The following FTO variants were observed in gnomAD, a reference collection of about 807,000 sequenced individuals.
The protein encoded by FTO is alpha-ketoglutarate-dependent dioxygenase FTO.
Under a neutral mutation model 63.9 loss-of-function variants are expected in FTO, and 47 were observed. The observed-to-expected ratio is 0.74, with a 90% CI of 0.58 to 0.94. The LOEUF is 0.94. FTO is among the 40% of genes least tolerant of loss of function. FTO has a pLI of 0.00. For synonymous variants in FTO, 207 were observed against 224.4 expected (o/e 0.92, Z 0.69); for missense variants, 562 against 618.1 (o/e 0.91, Z 0.96).
At chr16:53,798,688 G>A (rs369985454) in intron 1 of FTO, among the ~76,000 whole-genome samples, 5 of 152,020 alleles carry the variant, frequency 3.3e-5, no homozygotes, top group African/African-American at 4.8e-5. Context: ...TGCTTATGTC[G>A]TATTTAAATA....
intron 1 of FTO, among the ~76,000 whole-genome samples, chr16:53,776,160 G>A (rs2077453867): frequency 6.6e-6 from 1 of 152,162 alleles, no homozygotes; most frequent in Admixed American, 6.5e-5. Context: ...AAAGGGCCCT[G>A]AGAGGGAAAA....
rs1246554297 is a variant in FTO, at chr16:53,961,854, CT to C, written c.1364+27747del. On this transcript the variant is annotated intron_variant, in intron 8 of 8. Transcript: ENST00000471389. ...CAGTAAGTCTCTGGCACAGTATACG[CT>C]TAGGTAAGTGGGCAGTGTGAAATAA... Among the ~76,000 whole-genome samples the C allele has an allele frequency of 2.0e-5, 3 of 152,268 alleles. No individual in the cohort carries two copies. The East Asian group carries it at 5.8e-4, about 29-fold the overall frequency.
intron 8 of FTO, among the ~76,000 whole-genome samples, chr16:54,094,412 CT>C (rs1251997604): frequency 1.3e-5 from 2 of 152,210 alleles, no homozygotes; most frequent in African/African-American, 4.8e-5. Flanking sequence ...CTCTATTGAA[CT>C]ACGATGTTTT....
At position 53,874,097 on chromosome 16, in the gene FTO, C is replaced by G. The variant is rs193085357; in HGVS notation, c.975+232C>G. On this transcript the variant is annotated intron_variant, in intron 5 of 8. Transcript: ENST00000471389. ...TGTTTTGCTTCTTGGGGTTATGTTT[C>G]TTGGAGAAGGAAAATGCCGTTGACA... Among the ~76,000 whole-genome samples the G allele has an allele frequency of 7.9e-4, 121 of 152,226 alleles. 1 individual carries two copies. The highest frequency in any genetic ancestry group is 2.6e-3 in the African/African-American group (107 of 41,522).
intron 8 of FTO, among the ~76,000 whole-genome samples, chr16:54,006,378 C>G (rs1176258807): frequency 6.6e-6 from 1 of 152,100 alleles, no homozygotes; most frequent in Non-Finnish European, 1.5e-5. Context: ...GGCTAGAGTT[C>G]CTTTTCGGAT....
At chr16:53,921,544 G>T (rs774172787) in intron 7 of FTO, among the ~76,000 whole-genome samples, 11 of 152,178 alleles carry the variant, frequency 7.2e-5, no homozygotes, top group Non-Finnish European at 1.5e-4. Flanking sequence ...GGAATTAGGG[G>T]CATGTGTGTG....
chr16:54,057,947 G>A (rs2085476539), intron 8 of FTO, among the ~76,000 whole-genome samples: 1 of 152,010 alleles, frequency 6.6e-6, no homozygotes, highest in African/African-American at 2.4e-5. Flanking sequence ...ATCTCCATGG[G>A]GACCCTGCTA....
At chr16:54,083,161 A>G (rs1426704626) in intron 8 of FTO, among the ~76,000 whole-genome samples, 1 of 152,162 alleles carries the variant, frequency 6.6e-6, no homozygotes, top group Non-Finnish European at 1.5e-5. Flanking sequence ...AGATAAGACT[A>G]TTATTTGTTC....
chr16:54,035,600 T>G (rs1402079870), intron 8 of FTO, among the ~76,000 whole-genome samples: 1 of 152,194 alleles, frequency 6.6e-6, no homozygotes, highest in Non-Finnish European at 1.5e-5. Flanking sequence ...GCCATTATGG[T>G]GTGTCACGCT....
chr16:53,860,892 A>C (rs2080156941), intron 4 of FTO, among the ~76,000 whole-genome samples: 1 of 146,048 alleles, frequency 6.8e-6, no homozygotes, highest in Non-Finnish European at 1.6e-5. Context: ...ACACACACAC[A>C]CACACACACA....
chr16:54,007,931 G>A (rs2084249395), intron 8 of FTO, among the ~76,000 whole-genome samples: 1 of 152,206 alleles, frequency 6.6e-6, no homozygotes, highest in Non-Finnish European at 1.5e-5. Flanking sequence ...CTCAGCTATG[G>A]AAATTCATCT....
intron 8 of FTO, among the ~76,000 whole-genome samples, chr16:54,089,451 A>C (rs2086326434): frequency 6.6e-6 from 1 of 152,194 alleles, no homozygotes; most frequent in African/African-American, 2.4e-5. Context: ...TCAGTCTTTC[A>C]TTCTATACTG....
At chr16:54,058,896 A>G (rs2085505519) in intron 8 of FTO, among the ~76,000 whole-genome samples, 1 of 152,192 alleles carries the variant, frequency 6.6e-6, no homozygotes, top group Non-Finnish European at 1.5e-5. Flanking sequence ...TGTTTTAAAT[A>G]GGAGAACTTG....
rs191138447 is a variant in FTO at position 53,911,792 on chromosome 16, C to T, written c.1240-22193C>T. Reference sequence around the variant, plus strand: ...GTTGTATTAAATCACAAATGGGAGGCAATTTAGCAATGCATCTCTAAAATT... The same window carrying T: ...GTTGTATTAAATCACAAATGGGAGGTAATTTAGCAATGCATCTCTAAAATT... On this transcript the variant is annotated intron_variant, in intron 7 of 8. Transcript: ENST00000471389. Among the ~76,000 whole-genome samples, 15 of 152,270 alleles carry T rather than the reference C, an allele frequency of 9.9e-5. No homozygotes were observed. The South Asian group carries it at 1.7e-3, about 17-fold the overall frequency.
intron 2 of FTO, among the ~76,000 whole-genome samples, chr16:53,819,332 G>A (rs370094922): frequency 1.3e-5 from 2 of 152,078 alleles, no homozygotes; most frequent in Non-Finnish European, 2.9e-5. Context: ...ACCACACCTG[G>A]CTAATTTTTT....
chr16:53,934,788 G>A (rs1567452209), intron 8 of FTO, among the ~76,000 whole-genome samples: 1 of 152,142 alleles, frequency 6.6e-6, no homozygotes, highest in Non-Finnish European at 1.5e-5. Context: ...AATCTTATGG[G>A]ACGGGACCAC....
At chr16:53,707,473 G>A (rs1203253057) in intron 1 of FTO, among the ~76,000 whole-genome samples, 3 of 152,128 alleles carry the variant, frequency 2.0e-5, no homozygotes, top group Non-Finnish European at 2.9e-5. Flanking sequence ...ACATTCACAC[G>A]TGCCGGGTTT....
At chr16:53,944,876 C>T (rs2082619302) in intron 8 of FTO, among the ~76,000 whole-genome samples, 1 of 152,180 alleles carries the variant, frequency 6.6e-6, no homozygotes, top group Non-Finnish European at 1.5e-5. Flanking sequence ...TTGGCCTCTC[C>T]TTTGAGAGAA....
At chr16:53,872,655 A>G (rs149073731) in intron 4 of FTO, among the ~76,000 whole-genome samples, 169 of 152,338 alleles carry the variant, frequency 1.1e-3, no homozygotes, top group African/African-American at 3.9e-3. Flanking sequence ...GTTACTTCAC[A>G]ATATTCATAA....
Sources: gnomAD v4.1 joint callset for allele counts (sites outside exome capture counted in the v4.1 genomes callset) on GRCh38, gnomAD v4.1.1 for gene constraint, MANE v1.5 for transcripts, NCBI Gene and HGNC (gene_info 2026-07-23, HGNC 2026-07-21) for gene names.